COL14A1: variants seen among roughly 807,000 people sequenced by gnomAD.
COL14A1 encodes collagen alpha-1(XIV) chain.
A neutral mutation model predicts 230.3 loss-of-function variants in COL14A1; 136 were observed. That is an observed-to-expected ratio of 0.59 (90% CI 0.51 to 0.68). The LOEUF is 0.68. Ranked by LOEUF, COL14A1 falls within the 30% of genes least tolerant of loss-of-function variation. The pLI is 0.00. For missense variants in COL14A1, 1,976 were observed against 2,215.8 expected (o/e 0.89, Z 2.17); for synonymous variants, 792 against 784.1 (o/e 1.01, Z -0.17).
At chr8:120,279,350 A>G (rs528343292) in intron 28 of COL14A1, among the ~76,000 whole-genome samples, 1 of 152,098 alleles carries the variant, frequency 6.6e-6, no homozygotes, top group African/African-American at 2.4e-5. Context: ...TTGAATGTAT[A>G]TATATATATA....
intron 45 of COL14A1, among the ~76,000 whole-genome samples, chr8:120,358,317 C>T (rs1303614142): frequency 6.6e-6 from 1 of 152,130 alleles, no homozygotes; most frequent in East Asian, 1.9e-4. Flanking sequence ...TCCTTTCTTA[C>T]AATGAGGCTA....
At chr8:120,223,835 T>C (rs1187398893) in intron 14 of COL14A1, among the ~76,000 whole-genome samples, 1 of 152,076 alleles carries the variant, frequency 6.6e-6, no homozygotes, top group Non-Finnish European at 1.5e-5. Context: ...TTATGCATTA[T>C]TATAAGTCCT....
chr8:120,266,990 C>T (rs1408043302), intron 25 of COL14A1, 107 bp downstream of exon 25: 9 of 985,920 alleles, frequency 9.1e-6, no homozygotes, highest in Non-Finnish European at 1.3e-5. Flanking sequence ...ATTTATTGTG[C>T]TACCTAATTT....
intron 14 of COL14A1, among the ~76,000 whole-genome samples, chr8:120,221,454 T>G (rs1395936392): frequency 6.6e-6 from 1 of 152,142 alleles, no homozygotes; most frequent in African/African-American, 2.4e-5. Flanking sequence ...AAGGTCTTCA[T>G]TAGATGAAGT....
intron 40 of COL14A1, among the ~76,000 whole-genome samples, chr8:120,328,260 G>C (rs117201713): frequency 0.031 from 4,741 of 152,148 alleles, 97 homozygotes; most frequent in Non-Finnish European, 0.037. Context: ...TTGAGACAGG[G>C]TCTCACTCTA....
At chr8:120,317,072 C>T (rs1278801140) in intron 40 of COL14A1, among the ~76,000 whole-genome samples, 6 of 152,100 alleles carry the variant, frequency 3.9e-5, no homozygotes, top group African/African-American at 4.8e-5. Context: ...AAACTGTCAC[C>T]GATTTAGACA....
chr8:120,180,701 C>CTTTTTTTTTT (rs34377563), intron 5 of COL14A1, among the ~76,000 whole-genome samples: 3 of 83,538 alleles, frequency 3.6e-5, no homozygotes, highest in Admixed American at 1.7e-4. Context: ...GGTAGGAAGC[C>CTTTTTTTTTT]TTTTTTTTTT....
At position 120,314,052 on chromosome 8, in the gene COL14A1, C is replaced by T. The variant is rs189455220; in HGVS notation, c.4551+25C>T. The T allele has an allele frequency of 2.7e-4, 413 of 1,509,448 alleles. 2 individuals carry two copies. In the African/African-American group the frequency reaches 3.7e-3, roughly 13 times the overall value. 93.5% of individuals were successfully genotyped at this position (1,509,448 alleles called of 1,614,324 possible). ...CGTGAGTTGTGTTCAAACATTCAGACGGGTTTTATTGTTATCTCTTTTCCA... is the reference window on the plus strand; with the variant it reads ...CGTGAGTTGTGTTCAAACATTCAGATGGGTTTTATTGTTATCTCTTTTCCA... On this transcript the variant is annotated intron_variant, in intron 38 of 47. Coordinates refer to ENST00000297848, the MANE Select transcript of COL14A1 (RefSeq NM_021110.4).
At position 120,332,019 on chromosome 8, in the gene COL14A1, C is replaced by T. The variant is rs561433607; in HGVS notation, c.4660-122C>T. On this transcript the variant is annotated intron_variant, in intron 40 of 47. Transcript: ENST00000297848. Reference sequence around the variant, plus strand: ...CATGAAGAGTTTAAAGGCAGTGAATCCTTGGTAGTCCAGAGCAAGCAGCAG... The same window carrying T: ...CATGAAGAGTTTAAAGGCAGTGAATTCTTGGTAGTCCAGAGCAAGCAGCAG... 1.4e-5 allele frequency: 11 copies of T among 796,582 alleles called. No individual in the cohort carries two copies. The East Asian group carries it at 2.7e-4, about 20-fold the overall frequency. The allele number at this position is 796,582 out of a possible 1,614,324, so 49.3% of individuals were successfully genotyped here. A position where few individuals can be genotyped will look rare whatever the true frequency, so the allele number is the denominator to read the frequency against.
At chr8:120,265,192 G>C (rs1486450494) in intron 24 of COL14A1, among the ~76,000 whole-genome samples, 1 of 152,076 alleles carries the variant, frequency 6.6e-6, no homozygotes, top group African/African-American at 2.4e-5. Context: ...TCTTTAGCCA[G>C]ATGTTCTGCC....
chr8:120,151,714 A>G (rs1053199872), intron 2 of COL14A1, among the ~76,000 whole-genome samples: 3 of 151,898 alleles, frequency 2.0e-5, no homozygotes, highest in African/African-American at 7.3e-5. Flanking sequence ...TTCACATATA[A>G]TCTTCAGAAC....
chr8:120,327,696 C>T (rs1378819101), intron 40 of COL14A1, among the ~76,000 whole-genome samples: 1 of 152,110 alleles, frequency 6.6e-6, no homozygotes, highest in African/African-American at 2.4e-5. Flanking sequence ...CTGTGATTCA[C>T]GCTTATTTCT....
Position 120,298,601 on chromosome 8 carries a change from A to T in COL14A1, c.4314+1013A>T, listed in dbSNP as rs1034800554. Among the ~76,000 whole-genome samples the T allele has an allele frequency of 2.1e-4, 11 of 52,750 alleles. 1 individual carries two copies. The highest frequency in any genetic ancestry group is 7.7e-4 in the Admixed American group (5 of 6,468). The allele number at this position is 52,750 out of a possible 152,430, so 34.6% of individuals were successfully genotyped here. The stretch of plus-strand genomic sequence containing the variant: ...ATGTGTGTATACCCATATATTTTAT[A>T]TATATATATATATATATATATATAT... On this transcript the variant is annotated intron_variant, in intron 35 of 47. Coordinates refer to ENST00000297848, the MANE Select transcript of COL14A1 (RefSeq NM_021110.4).
At chr8:120,172,930 A>G (rs1466951057) in intron 5 of COL14A1, among the ~76,000 whole-genome samples, 3 of 152,190 alleles carry the variant, frequency 2.0e-5, no homozygotes, top group Non-Finnish European at 4.4e-5. Context: ...AATCTACCAG[A>G]TATATATTTT....
At chr8:120,366,422 A>AT (rs1424694754) in intron 45 of COL14A1, among the ~76,000 whole-genome samples, 8 of 152,206 alleles carry the variant, frequency 5.3e-5, no homozygotes, top group African/African-American at 1.9e-4. Flanking sequence ...ATCTTCTATG[A>AT]TGTAAGCCAG....
intron 5 of COL14A1, among the ~76,000 whole-genome samples, chr8:120,173,648 CTCTA>C (rs59734398): frequency 0.24 from 34,951 of 146,112 alleles, 4,208 homozygotes; most frequent in Middle Eastern, 0.31. Flanking sequence ...TATTATCTGT[CTCTA>C]TCTATCTATC....
chr8:120,283,242 T>C (rs540697750), intron 31 of COL14A1, among the ~76,000 whole-genome samples: 1 of 152,276 alleles, frequency 6.6e-6, no homozygotes, highest in Non-Finnish European at 1.5e-5. Context: ...ATGTCATAAG[T>C]TATGTTTTAC....
At chr8:120,180,071 A>G (rs953132735) in intron 5 of COL14A1, among the ~76,000 whole-genome samples, 1 of 152,154 alleles carries the variant, frequency 6.6e-6, no homozygotes, top group Admixed American at 6.5e-5. Flanking sequence ...ACTTAAACAT[A>G]AGACCTGAAA....
In COL14A1 at chr8:120,369,364, G is replaced by GC. The variant is rs1368288270; in HGVS notation, c.5195dup (p.Gly1733TrpfsTer28). 1 of 1,599,550 alleles carries GC rather than the reference G, an allele frequency of 6.3e-7. No homozygotes were observed. Among genetic ancestry groups the GC allele is most frequent in the Non-Finnish European group, 8.5e-7 (1 of 1,173,154 alleles). ...GGGAGAGTCGGCCTGGCAGCCCTGG[G>GC]CCCCCTGGCTCTCCTGGACCAAGAG... On this transcript the variant is annotated frameshift_variant, in exon 47 of 48. Transcript: ENST00000297848. LOFTEE classifies it high-confidence loss of function.
Sources: allele counts gnomAD v4.1 joint callset (sites outside exome capture counted in the v4.1 genomes callset), GRCh38; gene constraint gnomAD v4.1.1; transcripts MANE v1.5; gene names NCBI Gene and HGNC (gene_info 2026-07-23, HGNC 2026-07-21).